Variants in CTNNA2 observed in about 807,000 individuals in gnomAD.
CTNNA2 encodes catenin alpha-2.
In CTNNA2, 42 loss-of-function variants were observed where a neutral mutation model predicts 101.0. The observed-to-expected ratio is 0.42, with a 90% CI of 0.32 to 0.54. The LOEUF is 0.54. Ranked by LOEUF, CTNNA2 falls within the 20% of genes least tolerant of loss-of-function variation. CTNNA2 has a pLI of 0.14. For synonymous variants in CTNNA2, 450 were observed against 456.4 expected (o/e 0.99, Z 0.18); for missense variants, 871 against 1,223.1 (o/e 0.71, Z 4.29).
chr2:80,457,311 G>T (rs780465026), intron 9 of CTNNA2, among the ~76,000 whole-genome samples: 5 of 151,958 alleles, frequency 3.3e-5, no homozygotes, highest in Admixed American at 2.6e-4. Context: ...TTTTCTGCCC[G>T]CCTTGGCCTC....
intron 8 of CTNNA2, among the ~76,000 whole-genome samples, chr2:80,394,279 G>T (rs1425882661): frequency 1.3e-5 from 2 of 152,210 alleles, no homozygotes; most frequent in Non-Finnish European, 1.5e-5. Context: ...ACTTGGAAAT[G>T]ATTTGAATGA....
intron 7 of CTNNA2, among the ~76,000 whole-genome samples, chr2:80,210,449 T>G (rs917985725): frequency 6.6e-6 from 1 of 152,024 alleles, no homozygotes; most frequent in Middle Eastern, 3.4e-3. Context: ...CACCTATGAG[T>G]GAGAACATGC....
Position 80,589,380 on chromosome 2 carries a change from G to A in CTNNA2, c.2084G>A (p.Ser695Asn). The change falls in exon 15 of 19, where the codon AGC (serine) becomes AAC (asparagine). Residue 695 changes from serine to asparagine, a missense_variant. Ser to Asn is a conservative substitution (Grantham distance 46). Transcript: ENST00000402739. ...GTGGAGATATTCCATCAAGAGAAAA[G>A]CAAGCTGGATGCAGAAGTGGCCAAA... Reference protein sequence around the residue: ...EQVEIFHQEKSKLDAEVAKWD... With the variant: ...EQVEIFHQEKNKLDAEVAKWD... The A allele has an allele frequency of 6.2e-7, 1 of 1,614,134 alleles. No individual in the cohort carries two copies. Among genetic ancestry groups the A allele is most frequent in the Non-Finnish European group, 8.5e-7 (1 of 1,179,998 alleles).
intron 1 of CTNNA2, among the ~76,000 whole-genome samples, chr2:79,647,812 T>C (rs1558800716): frequency 1.3e-5 from 2 of 152,162 alleles, no homozygotes; most frequent in Non-Finnish European, 2.9e-5. Context: ...GATGGTTTGG[T>C]TGGGAGTTGG....
chr2:79,594,717 G>A (rs1677077333), intron 1 of CTNNA2, among the ~76,000 whole-genome samples: 1 of 151,770 alleles, frequency 6.6e-6, no homozygotes, highest in South Asian at 2.1e-4. Flanking sequence ...TCTGCCTCTA[G>A]CCTACTTTCA....
chr2:79,904,655 G>A (rs2104296873), intron 6 of CTNNA2, among the ~76,000 whole-genome samples: 1 of 152,228 alleles, frequency 6.6e-6, no homozygotes, highest in South Asian at 2.1e-4. Flanking sequence ...TATTCAATAA[G>A]ATGGGAAGAT....
chr2:80,564,658 T>G (rs916445329), intron 12 of CTNNA2, among the ~76,000 whole-genome samples: 1 of 152,186 alleles, frequency 6.6e-6, no homozygotes, highest in South Asian at 2.1e-4. Context: ...AACATGAATT[T>G]ATGGAAATGG....
rs1042476446 is a variant in CTNNA2 at position 79,964,410 on chromosome 2, GA to G, written c.1056+54623del. On this transcript the variant is annotated intron_variant, in intron 7 of 18. Transcript: ENST00000402739. Reference sequence around the variant, plus strand: ...GAGCCAACATTCAAATATGGGTTTGGAAAAAAAAAAGCCAAGCTGTTTATCT... The same window carrying G: ...GAGCCAACATTCAAATATGGGTTTGGAAAAAAAAAGCCAAGCTGTTTATCT... 1.5e-4 allele frequency among the ~76,000 whole-genome samples: 22 copies of G among 144,924 alleles called. No individual in the cohort carries two copies. In the South Asian group the frequency reaches 2.6e-3, roughly 17 times the overall value.
intron 1 of CTNNA2, among the ~76,000 whole-genome samples, chr2:79,188,686 A>G (rs1346245931): frequency 6.6e-6 from 1 of 152,188 alleles, no homozygotes; most frequent in Non-Finnish European, 1.5e-5. Context: ...ACATAGGTGG[A>G]AAGGAAGATG....
At chr2:80,149,026 T>TTC (rs1558853668) in intron 7 of CTNNA2, among the ~76,000 whole-genome samples, 1,545 of 114,100 alleles carry the variant, frequency 0.014, 28 homozygotes, top group African/African-American at 0.041. Flanking sequence ...TTTTGTTATT[T>TTC]TTTTTTTTTT....
intron 2 of CTNNA2, among the ~76,000 whole-genome samples, chr2:79,707,317 TGTATATGGGTAATATACACA>T (rs1414030849): frequency 1.3e-5 from 2 of 152,176 alleles, no homozygotes; most frequent in African/African-American, 4.8e-5. Context: ...TAATCCATAT[TGTATATGGGTAATATACACA>T]GTGTAATTAC....
chr2:79,480,369 T>A (rs1220827052), intron 4 of CTNNA2, among the ~76,000 whole-genome samples: 1 of 152,192 alleles, frequency 6.6e-6, no homozygotes, highest in Non-Finnish European at 1.5e-5. Flanking sequence ...TCTTAATTGA[T>A]CTTTCTCACT....
chr2:80,272,760 T>C lies in CTNNA2; in HGVS notation c.1057-120451T>C, dbSNP rs189532065. On this transcript the variant is annotated intron_variant, in intron 7 of 18. Coordinates refer to ENST00000402739, the MANE Select transcript of CTNNA2 (RefSeq NM_001282597.3). Reference sequence around the variant, plus strand: ...CCATGCAATATTTGAGACCTACTTATGCTAAAAATAATTTATCTTTTATCT... The same window carrying C: ...CCATGCAATATTTGAGACCTACTTACGCTAAAAATAATTTATCTTTTATCT... Among the ~76,000 whole-genome samples, 246 of 152,368 alleles carry C rather than the reference T, an allele frequency of 1.6e-3. 4 individuals are homozygous for C. The highest frequency in any genetic ancestry group is 5.0e-3 in the South Asian group (24 of 4,828).
chr2:79,570,582 G>C (rs192387827), intron 1 of CTNNA2, among the ~76,000 whole-genome samples: 102 of 152,054 alleles, frequency 6.7e-4, no homozygotes, highest in African/African-American at 2.4e-3. Context: ...ATTGACACTA[G>C]GTTTAGAATT....
chr2:79,743,830 G>T (rs1265590464), intron 2 of CTNNA2, among the ~76,000 whole-genome samples: 1 of 152,092 alleles, frequency 6.6e-6, no homozygotes, highest in African/African-American at 2.4e-5. Flanking sequence ...CACCACGCCT[G>T]GCAGAAATTT....
At chr2:79,491,323 A>C (rs1671205757) in intron 4 of CTNNA2, among the ~76,000 whole-genome samples, 1 of 152,204 alleles carries the variant, frequency 6.6e-6, no homozygotes, top group African/African-American at 2.4e-5. Context: ...CTGCTACTCC[A>C]GGACTCATAT....
intron 1 of CTNNA2, among the ~76,000 whole-genome samples, chr2:79,186,773 C>G (rs572318145): frequency 6.6e-6 from 1 of 152,306 alleles, no homozygotes; most frequent in Non-Finnish European, 1.5e-5. Context: ...TCAGTCTTCA[C>G]ATTACAGTCT....
rs1231886926 is a variant in CTNNA2 at position 80,181,128 on chromosome 2, G to C, written c.1057-212083G>C. ...TACACTCTCAACCTCACTTCTAGGG[G>C]CTTGCCAGGACTTTAGTTATAGGTC... On this transcript the variant is annotated intron_variant, in intron 7 of 18. Transcript: ENST00000402739. Among the ~76,000 whole-genome samples the C allele has an allele frequency of 2.0e-5, 3 of 152,168 alleles. No homozygotes were observed. The South Asian group carries it at 6.2e-4, about 32-fold the overall frequency.
At chr2:79,557,396 G>A (rs923426614) in intron 1 of CTNNA2, among the ~76,000 whole-genome samples, 1 of 151,780 alleles carries the variant, frequency 6.6e-6, no homozygotes, top group Admixed American at 6.6e-5. Flanking sequence ...GTATCCACAA[G>A]AGACATCTTG....
Sources: gnomAD v4.1 joint callset for allele counts (sites outside exome capture counted in the v4.1 genomes callset) on GRCh38, gnomAD v4.1.1 for gene constraint, MANE v1.5 for transcripts, NCBI Gene and HGNC (gene_info 2026-07-23, HGNC 2026-07-21) for gene names.